Variants in SMCO2 observed in about 807,000 individuals in gnomAD.
SMCO2 encodes single-pass membrane protein with coiled-coil domains 2, also known as single-pass membrane and coiled-coil domain-containing protein 2.
Under a neutral mutation model 29.5 loss-of-function variants are expected in SMCO2, and 25 were observed. The observed-to-expected ratio is 0.85, with a 90% confidence interval of 0.62 to 1.18. The LOEUF is 1.18. SMCO2 is among the 50% of genes most tolerant of loss of function. The pLI is 0.00. For missense variants in SMCO2, 348 were observed against 344.5 expected (o/e 1.01, Z -0.08); for synonymous variants, 117 against 123.3 (o/e 0.95, Z 0.34).
At chr12:27,488,578 G>A in intron 5 of SMCO2, 31 bp downstream of exon 6, 2 of 1,480,944 alleles carry the variant, frequency 1.4e-6, no homozygotes, top group Non-Finnish European at 9.1e-7. Flanking sequence ...AGACTGAGAG[G>A]TTGGGGATTT....
chr12:27,479,083 T>C (rs1565677131), intron 4 of SMCO2, among the ~76,000 whole-genome samples: 1 of 152,150 alleles, frequency 6.6e-6, no homozygotes, highest in Non-Finnish European at 1.5e-5. Flanking sequence ...TGGGTGTCAG[T>C]GGCTATGGGT....
intron 4 of SMCO2, among the ~76,000 whole-genome samples, chr12:27,480,567 T>G (rs1387263362): frequency 1.3e-5 from 2 of 152,174 alleles, no homozygotes; most frequent in Non-Finnish European, 2.9e-5. Flanking sequence ...ATGTTGGAGG[T>G]GGGCCTAGTG....
At chr12:27,468,530 C>T (rs1003531042) in intron 1 of SMCO2, among the ~76,000 whole-genome samples, 10 of 152,192 alleles carry the variant, frequency 6.6e-5, no homozygotes, top group Admixed American at 2.0e-4. Flanking sequence ...ACATGATAGT[C>T]GTTGGGCATG....
At chr12:27,423,631 C>G in the SMCO2 span, 2 of 152,146 alleles carry the variant, frequency 1.3e-5, no homozygotes, top group Non-Finnish European at 2.9e-5. Context: ...GCCCGGCCTA[C>G]TCTACACTTT....
chr12:27,428,040 C>G, the SMCO2 span, among the ~76,000 whole-genome samples: 2 of 152,212 alleles, frequency 1.3e-5, no homozygotes, highest in South Asian at 4.1e-4. Flanking sequence ...CTAGTTGAAC[C>G]GGATTACCCT....
the SMCO2 span, among the ~76,000 whole-genome samples, chr12:27,461,493 A>C: frequency 6.6e-6 from 1 of 152,170 alleles, no homozygotes; most frequent in African/African-American, 2.4e-5. Context: ...ACTTACAGGT[A>C]AGAGCATGCA....
At chr12:27,462,749 A>G (rs1195441904), upstream of SMCO2, among the ~76,000 whole-genome samples, 1 of 152,242 alleles carries the variant, frequency 6.6e-6, no homozygotes, top group Non-Finnish European at 1.5e-5. Context: ...AATTGAGAGT[A>G]AATTAAAATA....
chr12:27,428,820 T>TTTC, the SMCO2 span, among the ~76,000 whole-genome samples: 1 of 148,550 alleles, frequency 6.7e-6, no homozygotes, highest in African/African-American at 2.5e-5. Flanking sequence ...TAAATGTACT[T>TTTC]TTTTTTTTTT....
chr12:27,480,055 A>T (rs540620363), intron 4 of SMCO2, among the ~76,000 whole-genome samples: 2 of 152,326 alleles, frequency 1.3e-5, no homozygotes, highest in African/African-American at 4.8e-5. Flanking sequence ...CTGCAGGCCC[A>T]AGAGCCCCTG....
chr12:27,481,485 T>C (rs568871443), intron 4 of SMCO2, among the ~76,000 whole-genome samples: 1 of 152,230 alleles, frequency 6.6e-6, no homozygotes, highest in Non-Finnish European at 1.5e-5. Context: ...ACTTGCCATG[T>C]AGAAAACCAT....
chr12:27,480,767 A>T (rs568377732), intron 4 of SMCO2, among the ~76,000 whole-genome samples: 1 of 151,590 alleles, frequency 6.6e-6, no homozygotes, highest in Non-Finnish European at 1.5e-5. Context: ...TTCATCTTCC[A>T]CCATGATTGT....
chr12:27,452,128 C>T, the SMCO2 span, among the ~76,000 whole-genome samples: 2 of 152,198 alleles, frequency 1.3e-5, no homozygotes, highest in Middle Eastern at 3.4e-3. Context: ...AGAAGGATTG[C>T]GGAGTCATAG....
At chr12:27,440,496 C>T in the SMCO2 span, among the ~76,000 whole-genome samples, 12 of 152,170 alleles carry the variant, frequency 7.9e-5, no homozygotes, top group Non-Finnish European at 1.6e-4. Context: ...CCACTTATAA[C>T]TCTAGAATGA....
In SMCO2 at chr12:27,500,344, C is replaced by G. The variant is rs372731511; in HGVS notation, c.684-1579C>G. ...ACAGAAAAAACTAGATGAGTATACTCTAAATGTAGGGAAAAAATTAAACTA... is the reference window on the plus strand; with the variant it reads ...ACAGAAAAAACTAGATGAGTATACTGTAAATGTAGGGAAAAAATTAAACTA... On this transcript the variant is annotated intron_variant, in intron 7 of 7. Transcript: ENST00000298876. 1.0e-3 allele frequency among the ~76,000 whole-genome samples: 150 copies of G among 149,080 alleles called. 14 individuals are homozygous for G. The highest frequency in any genetic ancestry group is 3.5e-3 in the African/African-American group (140 of 39,706).
intron 6 of SMCO2, 125 bp from the exon 8 acceptor site, chr12:27,495,555 C>T: frequency 1.2e-6 from 1 of 800,430 alleles, no homozygotes; most frequent in Non-Finnish European, 1.8e-6. Flanking sequence ...GTTCATGGGA[C>T]CTATGTGTGA....
chr12:27,440,348 G>C, the SMCO2 span, among the ~76,000 whole-genome samples: 2 of 151,818 alleles, frequency 1.3e-5, no homozygotes, highest in African/African-American at 4.9e-5. Context: ...TGCAAGAAAA[G>C]CTAACGGTAG....
chr12:27,475,631 G>C, intron 4 of SMCO2: 1 of 1,549,776 alleles, frequency 6.5e-7, no homozygotes, highest in Non-Finnish European at 8.7e-7. Context: ...CACAAAGATA[G>C]GTCTCCAGGT....
At chr12:27,467,483 G>GGA (rs1949507151) in intron 1 of SMCO2, among the ~76,000 whole-genome samples, 1 of 151,290 alleles carries the variant, frequency 6.6e-6, no homozygotes, top group African/African-American at 2.4e-5. Flanking sequence ...TCTAGTATCT[G>GGA]CACTAGGTTG....
chr12:27,478,314 G>A lies in SMCO2; in HGVS notation c.362+3401G>A, dbSNP rs61915284. Among the ~76,000 whole-genome samples, 962 of 152,264 alleles carry A rather than the reference G, an allele frequency of 6.3e-3. 5 individuals are homozygous for A. The highest frequency in any genetic ancestry group is 0.01 in the Non-Finnish European group (705 of 68,020). ...GCTAGTGGTGGTGGCAGCAGGGTGG[G>A]AATGCCTGTCCTCAGGTCCCCATGC... On this transcript the variant is annotated intron_variant, in intron 4 of 7. Transcript: ENST00000298876.
Sources: allele counts gnomAD v4.1 joint callset (sites outside exome capture counted in the v4.1 genomes callset), GRCh38; gene constraint gnomAD v4.1.1; transcripts MANE v1.5; gene names NCBI Gene and HGNC (gene_info 2026-07-23, HGNC 2026-07-21).